IL36RN: variants seen among roughly 807,000 people sequenced by gnomAD.
IL36RN encodes interleukin 36 receptor antagonist, also known as interleukin-36 receptor antagonist protein.
Under a neutral mutation model 13.0 loss-of-function variants are expected in IL36RN, and 11 were observed. The ratio of observed to expected loss-of-function variants is 0.85; its 90% CI spans 0.53 to 1.40. The LOEUF (loss-of-function observed/expected upper bound fraction) is 1.40, where lower values mean the gene tolerates loss of function less well. Ranked by LOEUF, IL36RN falls within the 40% of genes most tolerant of loss-of-function variation. The pLI is 0.00. For synonymous variants in IL36RN, 94 were observed against 84.1 expected (o/e 1.12, Z -0.64); for missense variants, 195 against 195.3 (o/e 1.00, Z 0.01).
rs537559199 is a variant in IL36RN, at chr2:113,062,467, G to A, written c.258G>A (p.Met86Ile). Reference protein sequence around the residue: ...PTLTLEPVNIMELYLGAKESK... With the variant: ...PTLTLEPVNIIELYLGAKESK... ...TCTGCCGGCAGCCAGTGAACATCATGGAGCTCTATCTTGGTGCCAAGGAAT... is the reference window on the plus strand; with the variant it reads ...TCTGCCGGCAGCCAGTGAACATCATAGAGCTCTATCTTGGTGCCAAGGAAT... Residue 86 changes from methionine to isoleucine, a missense_variant, in exon 5 of 5, where the codon ATG (methionine) becomes ATA (isoleucine). Met to Ile is a conservative substitution (Grantham distance 10). Transcript: ENST00000393200. 1.2e-6 allele frequency: 2 copies of A among 1,614,098 alleles called. No individual in the cohort carries two copies. The highest frequency in any genetic ancestry group is 4.5e-5 in the East Asian group (2 of 44,858).
intron 1 of IL36RN, 30 bp from the exon 2 acceptor site, chr2:113,059,382 C>A: frequency 6.2e-7 from 1 of 1,603,496 alleles, no homozygotes; most frequent in Admixed American, 1.7e-5. Context: ...CCTCTCTCTC[C>A]ATGATTTTCT....
chr2:113,062,554 CT>C lies in IL36RN; in HGVS notation c.346del (p.Tyr116ThrfsTer56). 6.2e-7 allele frequency: 1 copy of C among 1,614,070 alleles called. No homozygotes were observed. The highest frequency in any genetic ancestry group is 8.5e-7 in the Non-Finnish European group (1 of 1,180,030). ...TCACCTCCAGCTTCGAGTCGGCTGCCTACCCGGGCTGGTTCCTGTGCACGGT... is the reference window on the plus strand; with the variant it reads ...TCACCTCCAGCTTCGAGTCGGCTGCCACCCGGGCTGGTTCCTGTGCACGGT... Reference protein sequence around the residue: ...GLTSSFESAAYPGWFLCTVPE... With the variant: ...GLTSSFESAAXPGWFLCTVPE... On this transcript the variant is annotated frameshift_variant, in exon 5 of 5. Coordinates refer to ENST00000393200, the MANE Select transcript of IL36RN (RefSeq NM_012275.3). LOFTEE classifies it low-confidence loss of function (END_TRUNC).
intron 4 of IL36RN, 31 bp from the exon 5 acceptor site, chr2:113,062,422 C>G: frequency 6.2e-7 from 1 of 1,612,552 alleles, no homozygotes; most frequent in Non-Finnish European, 8.5e-7. Flanking sequence ...CTGCTTCTGC[C>G]CTCACCTGAC....
At chr2:113,062,279 A>G (rs1476584982) in intron 4 of IL36RN, 28 bp downstream of exon 4, 3 of 1,613,118 alleles carry the variant, frequency 1.9e-6, no homozygotes, top group African/African-American at 2.7e-5. Context: ...CTCACTGGGG[A>G]CTCAGCCACA....
At chr2:113,062,007 C>A in intron 3 of IL36RN, 117 bp from the exon 4 acceptor site, 1 of 1,406,530 alleles carries the variant, frequency 7.1e-7, no homozygotes, top group Non-Finnish European at 9.8e-7. Flanking sequence ...GAGAAGCCTC[C>A]CTTCTGCCCA....
intron 3 of IL36RN, among the ~76,000 whole-genome samples, chr2:113,061,771 A>G (rs1182478628): frequency 6.6e-6 from 1 of 152,186 alleles, no homozygotes; most frequent in Non-Finnish European, 1.5e-5. Context: ...CAGGGTGTAG[A>G]AAGTTGTCCA....
chr2:113,059,706 G>C (rs1301621244), intron 2 of IL36RN, among the ~76,000 whole-genome samples: 4 of 152,164 alleles, frequency 2.6e-5, no homozygotes, highest in African/African-American at 7.2e-5. Context: ...GAACCTCCCA[G>C]TCTAGAGCTC....
Position 113,062,468 on chromosome 2 carries a change from G to C in IL36RN, c.259G>C (p.Glu87Gln). ...TLTLEPVNIMELYLGAKESKS... is the reference protein window; with the variant it reads ...TLTLEPVNIMQLYLGAKESKS... ...CTGCCGGCAGCCAGTGAACATCATG[G>C]AGCTCTATCTTGGTGCCAAGGAATC... The change falls in exon 5 of 5, where the codon GAG becomes CAG. Residue 87 changes from glutamate (E) to glutamine (Q), a missense_variant. Coordinates refer to ENST00000393200, the MANE Select transcript of IL36RN (RefSeq NM_012275.3). The C allele has an allele frequency of 6.2e-7, 1 of 1,614,080 alleles. No homozygotes were observed.
intron 1 of IL36RN, 21 bp downstream of exon 1, chr2:113,059,262 GGTACCGGAGCT>G: frequency 1.4e-6 from 1 of 697,656 alleles, no homozygotes; most frequent in Non-Finnish European, 2.6e-6. Flanking sequence ...GGGCGCTGGT[GGTACCGGAGCT>G]CTCTCCTGAC....
chr2:113,059,431 A>G lies in IL36RN; in HGVS notation c.-8A>G, dbSNP rs1463745894. The stretch of plus-strand genomic sequence containing the variant: ...AAATAGGGGAGTCTACACCCTGTGG[A>G]GCTCAAGATGGTCCTGAGTGGGGCG... On this transcript the variant is annotated 5_prime_UTR_variant, in exon 2 of 5. Coordinates refer to ENST00000393200, the MANE Select transcript of IL36RN (RefSeq NM_012275.3). 2 of 1,613,896 alleles carry G rather than the reference A, an allele frequency of 1.2e-6. No homozygotes were observed. Among genetic ancestry groups the G allele is most frequent in the Non-Finnish European group, 1.7e-6 (2 of 1,179,972 alleles).
chr2:113,061,660 G>A (rs1225170993), intron 3 of IL36RN, among the ~76,000 whole-genome samples: 4 of 152,198 alleles, frequency 2.6e-5, no homozygotes, highest in African/African-American at 9.7e-5. Context: ...ATATGTATAT[G>A]TGTGCATGCA....
At chr2:113,060,388 A>G (rs149616191) in intron 2 of IL36RN, among the ~76,000 whole-genome samples, 12 of 152,372 alleles carry the variant, frequency 7.9e-5, no homozygotes, top group African/African-American at 2.9e-4. Context: ...ATGACCAAAT[A>G]GAAATACATG....
At chr2:113,061,984 C>A in intron 3 of IL36RN, 140 bp from the exon 4 acceptor site, 1 of 1,140,784 alleles carries the variant, frequency 8.8e-7, no homozygotes, top group Non-Finnish European at 1.3e-6. Context: ...GAAGCCATGT[C>A]ATGACAGCTG....
intron 2 of IL36RN, among the ~76,000 whole-genome samples, chr2:113,059,910 C>T (rs1685607266): frequency 6.6e-6 from 1 of 152,322 alleles, no homozygotes; most frequent in Non-Finnish European, 1.5e-5. Flanking sequence ...TGTACCAAGC[C>T]AGACACTCTG....
At chr2:113,059,859 C>T (rs1246905432) in intron 2 of IL36RN, among the ~76,000 whole-genome samples, 1 of 152,180 alleles carries the variant, frequency 6.6e-6, no homozygotes. Context: ...AATAATAAAA[C>T]AAAAACCATT....
rs1456329550 is a variant in IL36RN at position 113,064,236 on chromosome 2, T to C, written c.*1559T>C. 1 of 152,164 alleles carries C rather than the reference T, an allele frequency of 6.6e-6. No homozygotes were observed. Among genetic ancestry groups the C allele is most frequent in the African/African-American group, 2.4e-5 (1 of 41,430 alleles). 9.4% of individuals were successfully genotyped at this position (152,164 alleles called of 1,614,324 possible). The stretch of plus-strand genomic sequence containing the variant: ...GATAACGGCTCTGCTGAAACCTTAA[T>C]CTCAGACTTCCAGCCTCCTGAACGA... On this transcript the variant is annotated 3_prime_UTR_variant, in exon 5 of 5. Coordinates refer to ENST00000393200, the MANE Select transcript of IL36RN (RefSeq NM_012275.3).
At chr2:113,059,730 C>A (rs1390696779) in intron 2 of IL36RN, among the ~76,000 whole-genome samples, 1 of 152,206 alleles carries the variant, frequency 6.6e-6, no homozygotes, top group South Asian at 2.1e-4. Flanking sequence ...CCAAGTCTAT[C>A]CAAGGTGGGA....
chr2:113,062,415 C>T (rs1202724400), intron 4 of IL36RN, 38 bp from the exon 5 acceptor site: 1 of 1,611,102 alleles, frequency 6.2e-7, no homozygotes, highest in African/African-American at 1.3e-5. Context: ...TCTGCCCCTG[C>T]TTCTGCCCTC....
intron 1 of IL36RN, 41 bp downstream of exon 1, chr2:113,059,282 A>T (rs1192506527): frequency 5.2e-6 from 4 of 766,864 alleles, no homozygotes; most frequent in African/African-American, 1.7e-5. Flanking sequence ...CTCTCTCCTG[A>T]CCCCAGACCC....
Sources: gnomAD v4.1 joint callset for allele counts (sites outside exome capture counted in the v4.1 genomes callset) on GRCh38, gnomAD v4.1.1 for gene constraint, MANE v1.5 for transcripts, NCBI Gene and HGNC (gene_info 2026-07-23, HGNC 2026-07-21) for gene names.